The following SLC39A12 variants were observed in gnomAD, a reference collection of about 807,000 sequenced individuals.
SLC39A12 encodes solute carrier family 39 member 12, also known as zinc transporter ZIP12.
A neutral mutation model predicts 71.1 loss-of-function variants in SLC39A12; 63 were observed. The ratio of observed to expected loss-of-function variants is 0.89; its 90% confidence interval spans 0.72 to 1.09. SLC39A12 has a LOEUF of 1.09. Ranked by LOEUF, SLC39A12 falls within the 50% of genes least tolerant of loss-of-function variation. SLC39A12 has a pLI of 0.00. For synonymous variants in SLC39A12, 351 were observed against 301.3 expected (o/e 1.16, Z -1.71); for missense variants, 892 against 812.6 (o/e 1.10, Z -1.19).
intron 12 of SLC39A12, among the ~76,000 whole-genome samples, chr10:18,022,258 C>T (rs1221881575): frequency 6.6e-6 from 1 of 152,076 alleles, no homozygotes; most frequent in Non-Finnish European, 1.5e-5. Context: ...TCCAGGAATG[C>T]CAATGAGTCA....
In SLC39A12 at chr10:18,015,482, A is replaced by T. The variant is rs145962145; in HGVS notation, c.1947+12124A>T. Among the ~76,000 whole-genome samples, 4 of 152,238 alleles carry T rather than the reference A, an allele frequency of 2.6e-5. No homozygotes were observed. In the East Asian group the frequency reaches 5.8e-4, roughly 22 times the overall value. ...TAATAGTGATCACATTTGGGAAAAA[A>T]ATCTAGGTGCATTGGTGGTATAATA... On this transcript the variant is annotated intron_variant, in intron 12 of 12. Coordinates refer to ENST00000377369, the MANE Select transcript of SLC39A12 (RefSeq NM_001145195.2).
At chr10:18,041,850 T>C (rs565204886) in intron 12 of SLC39A12, among the ~76,000 whole-genome samples, 1 of 148,314 alleles carries the variant, frequency 6.7e-6, no homozygotes, top group African/African-American at 2.5e-5. Flanking sequence ...TATACGTATA[T>C]ATATGTACAT....
chr10:18,030,557 A>G (rs1447356664), intron 12 of SLC39A12, among the ~76,000 whole-genome samples: 2 of 151,550 alleles, frequency 1.3e-5, no homozygotes, highest in African/African-American at 4.8e-5. Context: ...TCAAACACAT[A>G]TTGTCTGCCT....
chr10:17,970,591 T>C (rs1834943088), intron 4 of SLC39A12, among the ~76,000 whole-genome samples: 1 of 152,140 alleles, frequency 6.6e-6, no homozygotes, highest in South Asian at 2.1e-4. Flanking sequence ...TGTTCACTGT[T>C]GGCATATAGA....
intron 12 of SLC39A12, among the ~76,000 whole-genome samples, chr10:18,011,426 G>C (rs1836219329): frequency 6.6e-6 from 1 of 152,054 alleles, no homozygotes; most frequent in South Asian, 2.1e-4. Context: ...CTTTTCTCTA[G>C]CTTACTTTAT....
intron 6 of SLC39A12, 61 bp from the exon 7 acceptor site, chr10:17,987,418 A>G: frequency 6.5e-7 from 1 of 1,538,430 alleles, no homozygotes; most frequent in Non-Finnish European, 8.9e-7. Context: ...CATTTTCGCC[A>G]GCTGAGGCCG....
Position 17,984,126 on chromosome 10 carries a change from C to A in SLC39A12, c.1096+2643C>A, listed in dbSNP as rs145363775. On this transcript the variant is annotated intron_variant, in intron 6 of 12. Transcript: ENST00000377369. Reference sequence around the variant, plus strand: ...GTTGTAATAATGGGAAACTTTAGAACCTGTCTGCAAGTTGCCTGATGCCAA... The same window carrying A: ...GTTGTAATAATGGGAAACTTTAGAAACTGTCTGCAAGTTGCCTGATGCCAA... Among the ~76,000 whole-genome samples, 33 of 152,320 alleles carry A rather than the reference C, an allele frequency of 2.2e-4. 1 individual carries two copies. Among genetic ancestry groups the A allele is most frequent in the African/African-American group, 7.5e-4 (31 of 41,554 alleles).
At chr10:17,996,755 T>A (rs1342725918) in intron 10 of SLC39A12, among the ~76,000 whole-genome samples, 1 of 152,024 alleles carries the variant, frequency 6.6e-6, no homozygotes, top group Non-Finnish European at 1.5e-5. Flanking sequence ...CCCAGCACTT[T>A]GGGAGGCCGA....
chr10:17,993,123 A>G (rs1835597244), intron 8 of SLC39A12, 58 bp from the exon 9 acceptor site: 3 of 1,273,318 alleles, frequency 2.4e-6, no homozygotes, highest in Non-Finnish European at 3.3e-6. Flanking sequence ...TGGCATTGAC[A>G]AAGACTACAC....
intron 2 of SLC39A12, among the ~76,000 whole-genome samples, chr10:17,961,288 G>A (rs1834681623): frequency 6.6e-6 from 1 of 152,140 alleles, no homozygotes; most frequent in East Asian, 1.9e-4. Context: ...AAATGCAAAT[G>A]GGCATCACTT....
intron 2 of SLC39A12, among the ~76,000 whole-genome samples, chr10:17,956,629 C>G (rs916239992): frequency 6.6e-6 from 1 of 152,168 alleles, no homozygotes; most frequent in African/African-American, 2.4e-5. Flanking sequence ...AATCTCCCAC[C>G]CACCTGTGTC....
intron 12 of SLC39A12, among the ~76,000 whole-genome samples, chr10:18,020,470 T>C (rs952253686): frequency 3.0e-4 from 46 of 152,096 alleles, no homozygotes; most frequent in Admixed American, 3.0e-3. Flanking sequence ...TTATATTCTT[T>C]TGGATATATA....
At chr10:18,028,718 C>G (rs1466281734) in intron 12 of SLC39A12, among the ~76,000 whole-genome samples, 1 of 151,966 alleles carries the variant, frequency 6.6e-6, no homozygotes, top group Non-Finnish European at 1.5e-5. Flanking sequence ...AAAACATTTT[C>G]TTTTCTTTTC....
At position 18,000,775 on chromosome 10, in the gene SLC39A12, G is replaced by T; in HGVS notation, c.1709G>T (p.Gly570Val). 1 of 1,614,158 alleles carries T rather than the reference G, an allele frequency of 6.2e-7. No individual in the cohort carries two copies. The highest frequency in any genetic ancestry group is 8.5e-7 in the Non-Finnish European group (1 of 1,180,024). Reference protein sequence around the residue: ...GAAFSSSSESGVTTTIAILCH... With the variant: ...GAAFSSSSESVVTTTIAILCH... ...GCCTTCTCATCATCATCCGAGTCAG[G>T]AGTGACCACTACGATTGCTATCTTG... The change falls in exon 11 of 13, where the codon GGA (glycine) becomes GTA (valine). Residue 570 changes from glycine (G) to valine (V), a missense_variant. Gly to Val is a moderately radical substitution (Grantham distance 109). Coordinates refer to ENST00000377369, the MANE Select transcript of SLC39A12 (RefSeq NM_001145195.2).
intron 12 of SLC39A12, 65 bp downstream of exon 12, chr10:18,003,423 A>G: frequency 1.8e-5 from 25 of 1,427,482 alleles, no homozygotes; most frequent in South Asian, 4.0e-5. Flanking sequence ...GAGAAAAAAA[A>G]CAGTAAAAAT....
At chr10:18,013,051 A>G (rs1000037821) in intron 12 of SLC39A12, among the ~76,000 whole-genome samples, 3 of 152,004 alleles carry the variant, frequency 2.0e-5, no homozygotes, top group Non-Finnish European at 4.4e-5. Flanking sequence ...AGCAAGTGAC[A>G]TCTCTTATTA....
chr10:18,019,172 T>A (rs893843378), intron 12 of SLC39A12, among the ~76,000 whole-genome samples: 1 of 152,102 alleles, frequency 6.6e-6, no homozygotes, highest in African/African-American at 2.4e-5. Flanking sequence ...GTTATCAAAT[T>A]TGGGGGCATA....
At chr10:17,964,575 T>G (rs1834773798) in intron 3 of SLC39A12, among the ~76,000 whole-genome samples, 1 of 152,172 alleles carries the variant, frequency 6.6e-6, no homozygotes, top group African/African-American at 2.4e-5. Flanking sequence ...TAAAGCAAAA[T>G]TAGAGCTTTT....
chr10:18,001,026 T>A (rs558564338), intron 11 of SLC39A12, among the ~76,000 whole-genome samples: 48 of 152,276 alleles, frequency 3.2e-4, no homozygotes, highest in African/African-American at 1.2e-3. Flanking sequence ...TAAACTCCTT[T>A]ATGATGTTTC....
Sources: gnomAD v4.1 joint callset for allele counts (sites outside exome capture counted in the v4.1 genomes callset) on GRCh38, gnomAD v4.1.1 for gene constraint, MANE v1.5 for transcripts, NCBI Gene and HGNC (gene_info 2026-07-23, HGNC 2026-07-21) for gene names.